BUD23: variants seen among roughly 807,000 people sequenced by gnomAD.
BUD23 encodes 18S rRNA (guanine-N(7))-methyltransferase.
In BUD23, 34 loss-of-function variants were observed where a neutral mutation model predicts 47.0. The observed-to-expected ratio is 0.72, with a 90% CI of 0.55 to 0.96. BUD23 has a LOEUF of 0.96. Among genes scored for constraint, BUD23 ranks in the 40% least tolerant of loss-of-function variants. The probability of loss-of-function intolerance (pLI) is 0.00; values close to 1 mark genes in which losing one functional copy is unlikely to be tolerated. For missense variants in BUD23, 343 were observed against 361.2 expected (o/e 0.95, Z 0.41); for synonymous variants, 124 against 132.0 (o/e 0.94, Z 0.41).
intron 11 of BUD23, 28 bp downstream of exon 11, chr7:73,697,722 G>C (rs1563562287): frequency 6.4e-7 from 1 of 1,558,334 alleles, no homozygotes; most frequent in Non-Finnish European, 8.7e-7. Flanking sequence ...AGCTGGCAGG[G>C]TGGGTGGGGG....
intron 2 of BUD23, among the ~76,000 whole-genome samples, chr7:73,684,648 C>A (rs1190447935): frequency 1.4e-5 from 2 of 142,362 alleles, no homozygotes; most frequent in Admixed American, 7.0e-5. Context: ...GGGAAGCTGG[C>A]GCGGTGTCTC....
intron 2 of BUD23, 113 bp from the exon 3 acceptor site, chr7:73,686,522 TC>T (rs1450323889): frequency 5.6e-6 from 5 of 897,190 alleles, no homozygotes; most frequent in Non-Finnish European, 8.9e-6. Flanking sequence ...GGATGATTGA[TC>T]CGTTTTTTGT....
intron 10 of BUD23, chr7:73,697,271 G>T: frequency 1.6e-6 from 1 of 614,396 alleles, no homozygotes; most frequent in Non-Finnish European, 2.9e-6. Flanking sequence ...AGGTGATGAT[G>T]TGTCATTGCA....
rs1798285190 is a variant in BUD23 at position 73,693,736 on chromosome 7, C to T, written c.642+67C>T. The T allele has an allele frequency of 2.5e-6, 4 of 1,592,182 alleles. No individual in the cohort carries two copies. The Admixed American group carries it at 5.0e-5, about 20-fold the overall frequency. On this transcript the variant is annotated intron_variant, in intron 9 of 11. Transcript: ENST00000265758. ...CTTCCAGGCAGTGGGGCTCAGCCTG[C>T]AGAGCCTGCTGGGAGAACACTGGTG...
Position 73,687,098 on chromosome 7 carries a change from G to A in BUD23, c.362+3G>A, listed in dbSNP as rs1039407777. On this transcript the variant is annotated splice_donor_region_variant and intron_variant, in intron 5 of 11. Transcript: ENST00000265758. ...GGCACATTTGATGGTTGCATCAGGT[G>A]AGGGTCTTTAATTCCTGCTTTTATT... 2.3e-5 allele frequency: 37 copies of A among 1,613,096 alleles called. No homozygotes were observed. Among genetic ancestry groups the A allele is most frequent in the Non-Finnish European group, 2.9e-5 (34 of 1,179,994 alleles).
At chr7:73,693,172 C>G (rs1027865771) in intron 7 of BUD23, 157 bp from the exon 8 acceptor site, 2 of 681,630 alleles carry the variant, frequency 2.9e-6, no homozygotes. Context: ...ATGCCAGATT[C>G]TAGCCTGTAC....
At position 73,683,801 on chromosome 7, in the gene BUD23, G is replaced by T; in HGVS notation, c.83G>T (p.Arg28Leu). 6.2e-7 allele frequency: 1 copy of T among 1,614,182 alleles called. No homozygotes were observed. The highest frequency in any genetic ancestry group is 8.5e-7 in the Non-Finnish European group (1 of 1,180,048). ...GAGACAGAAGCCCGGAAATACGTTCGCAAGTGAGGGGAGCCTGAATACTGC... is the reference window on the plus strand; with the variant it reads ...GAGACAGAAGCCCGGAAATACGTTCTCAAGTGAGGGGAGCCTGAATACTGC... ...YDETEARKYV[R>L]NSRMIDIQTR... is the part of the protein sequence containing the mutation. Residue 28 changes from arginine to leucine, a missense_variant, in exon 2 of 12, where the codon CGC becomes CTC. Transcript: ENST00000265758.
rs1347856701 is a variant in BUD23 at position 73,697,843 on chromosome 7, C to G, written c.803C>G (p.Pro268Arg). The G allele has an allele frequency of 1.9e-6, 3 of 1,613,840 alleles. No individual in the cohort carries two copies. The African/African-American group carries it at 4.0e-5, about 22-fold the overall frequency. Reference protein sequence around the residue: ...RHRRQGREVRPDTQYTGRKRK... With the variant: ...RHRRQGREVRRDTQYTGRKRK... ...CCTTTTCTGCACAGGGAAGTCAGAC[C>G]TGACACCCAGTACACCGGCCGCAAG... is the stretch of plus-strand genomic sequence containing the variant. Residue 268 changes from proline to arginine, a missense_variant, in exon 12 of 12, where the codon CCT (proline) becomes CGT (arginine). By Grantham distance (103) the Pro-to-Arg change is moderately radical. Coordinates refer to ENST00000265758, the MANE Select transcript of BUD23 (RefSeq NM_017528.5).
rs782647330 is a variant in BUD23 at position 73,693,297 on chromosome 7, C to T, written c.511-32C>T. The T allele has an allele frequency of 2.1e-5, 33 of 1,596,530 alleles. No homozygotes were observed. In the Admixed American group the frequency reaches 2.4e-4, roughly 12 times the overall value. ...GAAGCTGTCTGCTCCTCTCAACCTC[C>T]GCTGCCTGACCCGCTGCCTTTCTTT... On this transcript the variant is annotated intron_variant, in intron 7 of 11. Transcript: ENST00000265758.
At position 73,686,913 on chromosome 7, in the gene BUD23, T is replaced by C. The variant is rs782357933; in HGVS notation, c.265+13T>C. Reference sequence around the variant, plus strand: ...CCTGCCATGCTGGGTAAGTATGTCCTGTCTGGCACCAGGGTGGATTACCCT... The same window carrying C: ...CCTGCCATGCTGGGTAAGTATGTCCCGTCTGGCACCAGGGTGGATTACCCT... On this transcript the variant is annotated intron_variant, in intron 4 of 11. Transcript: ENST00000265758. The C allele has an allele frequency of 3.1e-6, 5 of 1,614,204 alleles. No individual in the cohort carries two copies. The East Asian group carries it at 8.9e-5, about 29-fold the overall frequency.
chr7:73,693,232 G>C, intron 7 of BUD23, 97 bp from the exon 8 acceptor site: 1 of 1,159,474 alleles, frequency 8.6e-7, no homozygotes. Context: ...GGCAGGATTT[G>C]TCCTGGAGCA....
chr7:73,692,928 G>A (rs1798249290), intron 7 of BUD23: 1 of 551,926 alleles, frequency 1.8e-6, no homozygotes, highest in Non-Finnish European at 3.2e-6. Context: ...TAGGAAGGGT[G>A]AGAGGGCACC....
chr7:73,692,985 G>A, intron 7 of BUD23: 1 of 539,552 alleles, frequency 1.9e-6, no homozygotes, highest in Non-Finnish European at 3.3e-6. Flanking sequence ...TGGCGGAGTA[G>A]GATGTAGATG....
rs782332939 is a variant in BUD23 at position 73,687,039 on chromosome 7, G to T, written c.306G>T (p.Leu102=). 1 of 1,614,098 alleles carries T rather than the reference G, an allele frequency of 6.2e-7. No homozygotes were observed. The highest frequency in any genetic ancestry group is 1.1e-5 in the South Asian group (1 of 91,072). ...VDREIEGDLL[L]GDMGQGIPFK... is the part of the protein sequence containing the mutation. The stretch of plus-strand genomic sequence containing the variant: ...GAGAGATAGAGGGAGACCTGCTGCT[G>T]GGGGATATGGGCCAGGGCATCCCAT... Residue 102 remains leucine (L), a synonymous_variant, in exon 5 of 12, where the codon CTG becomes CTT. Coordinates refer to ENST00000265758, the MANE Select transcript of BUD23 (RefSeq NM_017528.5).
chr7:73,697,792 T>C (rs1798484787), intron 11 of BUD23, 40 bp from the exon 12 acceptor site: 1 of 1,611,772 alleles, frequency 6.2e-7, no homozygotes, highest in Non-Finnish European at 8.5e-7. Context: ...GCTGCTTTGA[T>C]CTTTTTTTTC....
intron 2 of BUD23, 99 bp downstream of exon 2, chr7:73,683,903 T>G: frequency 1.2e-6 from 2 of 1,608,034 alleles, no homozygotes; most frequent in Non-Finnish European, 1.7e-6. Context: ...AATTTGGGGG[T>G]GCGGGAAGGG....
chr7:73,693,303 C>G, intron 7 of BUD23, 26 bp from the exon 8 acceptor site: 1 of 1,606,138 alleles, frequency 6.2e-7, no homozygotes, highest in African/African-American at 1.3e-5. Flanking sequence ...CCTCCGCTGC[C>G]TGACCCGCTG....
chr7:73,687,194 A>G, intron 5 of BUD23, 99 bp downstream of exon 5: 1 of 1,260,870 alleles, frequency 7.9e-7, no homozygotes, highest in African/African-American at 1.5e-5. Context: ...CTCACACTGC[A>G]GCCTCCACCT....
At position 73,694,032 on chromosome 7, in the gene BUD23, C is replaced by CT; in HGVS notation, c.684dup (p.Val229CysfsTer5). The CT allele has an allele frequency of 1.9e-6, 3 of 1,610,494 alleles. No homozygotes were observed. The highest frequency in any genetic ancestry group is 2.5e-6 in the Non-Finnish European group (3 of 1,179,124). ...CAGGATGAAGTTGAACCCAGGGAGT[C>CT]TGTGTTCACCAATGAGAGGTAAAGC... On this transcript the variant is annotated frameshift_variant, in exon 10 of 12. Transcript: ENST00000265758. LOFTEE classifies it high-confidence loss of function.
Sources: gnomAD v4.1 joint callset for allele counts (sites outside exome capture counted in the v4.1 genomes callset) on GRCh38, gnomAD v4.1.1 for gene constraint, MANE v1.5 for transcripts, NCBI Gene and HGNC (gene_info 2026-07-23, HGNC 2026-07-21) for gene names.